Variants in CHST11 observed in about 807,000 individuals in gnomAD.
CHST11 encodes the protein C4S-1.
Under a neutral mutation model 30.4 loss-of-function variants are expected in CHST11, and 9 were observed. That is an observed-to-expected ratio of 0.30 (90% confidence interval 0.18 to 0.52). The LOEUF is 0.52. CHST11 is among the 20% of genes least tolerant of loss of function. The pLI, the probability that CHST11 is intolerant of heterozygous loss-of-function variation, is 0.97. For synonymous variants in CHST11, 152 were observed against 187.8 expected, an observed-to-expected ratio of 0.81 and a Z score of 1.56; for missense variants, 348 against 460.6, an observed-to-expected ratio of 0.76 and a Z score of 2.24.
intron 2 of CHST11, among the ~76,000 whole-genome samples, chr12:104,643,062 A>G (rs1420070755): frequency 6.6e-6 from 1 of 152,190 alleles, no homozygotes; most frequent in Non-Finnish European, 1.5e-5. Flanking sequence ...GGTGGTGCAC[A>G]CCTGTAATGC....
intron 2 of CHST11, among the ~76,000 whole-genome samples, chr12:104,700,367 C>T (rs970562785): frequency 1.3e-5 from 2 of 152,180 alleles, no homozygotes; most frequent in African/African-American, 4.8e-5. Context: ...ACAGAAGTGC[C>T]TGCCTCCTTC....
chr12:104,474,240 G>C (rs1421857971), intron 1 of CHST11, among the ~76,000 whole-genome samples: 1 of 152,116 alleles, frequency 6.6e-6, no homozygotes, highest in African/African-American at 2.4e-5. Context: ...TATATATAGG[G>C]TTTTCTGTAT....
At chr12:104,590,802 A>T (rs926942865) in intron 1 of CHST11, among the ~76,000 whole-genome samples, 1 of 152,148 alleles carries the variant, frequency 6.6e-6, no homozygotes, top group African/African-American at 2.4e-5. Context: ...CACGCCTGTA[A>T]TCCCAGCTAC....
At chr12:104,650,848 G>GT (rs1378515114) in intron 2 of CHST11, among the ~76,000 whole-genome samples, 3 of 152,220 alleles carry the variant, frequency 2.0e-5, no homozygotes, top group Non-Finnish European at 2.9e-5. Context: ...AACCTTGCCA[G>GT]TGTGGAGGTG....
At chr12:104,483,674 G>A (rs921358688) in intron 1 of CHST11, among the ~76,000 whole-genome samples, 1 of 152,146 alleles carries the variant, frequency 6.6e-6, no homozygotes, top group African/African-American at 2.4e-5. Context: ...GGAGAGTAAG[G>A]GGTACCTGAG....
At chr12:104,640,630 G>C (rs1455043086) in intron 2 of CHST11, among the ~76,000 whole-genome samples, 1 of 152,172 alleles carries the variant, frequency 6.6e-6, no homozygotes, top group Non-Finnish European at 1.5e-5. Context: ...AAGAGCACAA[G>C]GGATTTTTAG....
chr12:104,660,601 G>A lies in CHST11; in HGVS notation c.204+58610G>A, dbSNP rs368719923. On this transcript the variant is annotated intron_variant, in intron 2 of 2. Transcript: ENST00000303694. Reference sequence around the variant, plus strand: ...AAGACCCGAAGGAAATTTCCATCCCGGCTGAGGTCCTCTCCTGGACTTGGC... The same window carrying A: ...AAGACCCGAAGGAAATTTCCATCCCAGCTGAGGTCCTCTCCTGGACTTGGC... Among the ~76,000 whole-genome samples the A allele has an allele frequency of 8.5e-5, 13 of 152,324 alleles. No individual in the cohort carries two copies. The East Asian group carries it at 1.3e-3, about 16-fold the overall frequency.
chr12:104,592,543 C>T (rs1304593783), intron 1 of CHST11, among the ~76,000 whole-genome samples: 1 of 152,138 alleles, frequency 6.6e-6, no homozygotes. Flanking sequence ...AAGTCCCCAC[C>T]CTCTAAAATG....
chr12:104,574,630 G>A (rs907229250), intron 1 of CHST11, among the ~76,000 whole-genome samples: 5 of 151,142 alleles, frequency 3.3e-5, no homozygotes, highest in African/African-American at 7.3e-5. Flanking sequence ...AACACCGCAT[G>A]TTCTCACTCA....
At chr12:104,461,030 A>G (rs2037403101) in intron 1 of CHST11, among the ~76,000 whole-genome samples, 1 of 152,150 alleles carries the variant, frequency 6.6e-6, no homozygotes, top group Non-Finnish European at 1.5e-5. Flanking sequence ...CCAGAAGTAG[A>G]CCCACTTCTC....
At chr12:104,677,832 C>T (rs756718603) in intron 2 of CHST11, among the ~76,000 whole-genome samples, 1 of 152,236 alleles carries the variant, frequency 6.6e-6, no homozygotes, top group Non-Finnish European at 1.5e-5. Flanking sequence ...CCAGCCCCAC[C>T]TCATATCACC....
At chr12:104,479,176 C>G (rs2054462964) in intron 1 of CHST11, among the ~76,000 whole-genome samples, 2 of 151,858 alleles carry the variant, frequency 1.3e-5, no homozygotes, top group Admixed American at 1.3e-4. Flanking sequence ...AAAGGGCCCC[C>G]CCTTTTTTTT....
At chr12:104,687,827 C>T (rs2039863071) in intron 2 of CHST11, among the ~76,000 whole-genome samples, 1 of 152,016 alleles carries the variant, frequency 6.6e-6, no homozygotes, top group Non-Finnish European at 1.5e-5. Context: ...TTAGTAACAC[C>T]AACAATATTT....
intron 2 of CHST11, among the ~76,000 whole-genome samples, chr12:104,643,318 A>G (rs1216425234): frequency 1.3e-5 from 2 of 152,182 alleles, no homozygotes; most frequent in Non-Finnish European, 1.5e-5. Flanking sequence ...ATAGAACAAG[A>G]CCCTATCTCT....
intron 2 of CHST11, among the ~76,000 whole-genome samples, chr12:104,628,947 T>C (rs1592803630): frequency 6.6e-6 from 1 of 152,336 alleles, no homozygotes; most frequent in East Asian, 1.9e-4. Context: ...TTGTGCCTAA[T>C]GTACTACATG....
In CHST11 at chr12:104,563,027, T is replaced by G. The variant is rs372258005; in HGVS notation, c.119-38879T>G. Among the ~76,000 whole-genome samples, 134 of 152,152 alleles carry G rather than the reference T, an allele frequency of 8.8e-4. 2 individuals are homozygous for G. The highest frequency in any genetic ancestry group is 3.0e-3 in the African/African-American group (124 of 41,496). On this transcript the variant is annotated intron_variant, in intron 1 of 2. Transcript: ENST00000303694. ...AGAGGGTTGTTGTGAAGTGGTTTTT[T>G]TTGTTGTTGTTGTTTGTTTGTTTGT... is the stretch of plus-strand genomic sequence containing the variant.
chr12:104,492,816 G>C (rs570437665), intron 1 of CHST11, among the ~76,000 whole-genome samples: 1 of 152,244 alleles, frequency 6.6e-6, no homozygotes, highest in East Asian at 1.9e-4. Context: ...GGCAGATCAC[G>C]AGGTCAGCAG....
intron 1 of CHST11, among the ~76,000 whole-genome samples, chr12:104,494,798 T>A (rs969422329): frequency 6.6e-6 from 1 of 152,212 alleles, no homozygotes; most frequent in Non-Finnish European, 1.5e-5. Flanking sequence ...AAAATAATTT[T>A]AAAAATGTAA....
chr12:104,619,566 G>A (rs897162900), intron 2 of CHST11, among the ~76,000 whole-genome samples: 1 of 152,148 alleles, frequency 6.6e-6, no homozygotes, highest in Admixed American at 6.5e-5. Context: ...AAGAGTTGGT[G>A]TTCAAACAGG....
Sources: allele counts gnomAD v4.1 joint callset (sites outside exome capture counted in the v4.1 genomes callset), GRCh38; gene constraint gnomAD v4.1.1; transcripts MANE v1.5; gene names NCBI Gene and HGNC (gene_info 2026-07-23, HGNC 2026-07-21).